Variants in CDKN2A observed in about 807,000 individuals in gnomAD.
The protein encoded by CDKN2A is cyclin dependent kinase inhibitor 2A, also known as cyclin-dependent kinase inhibitor 2A.
In CDKN2A, 3 loss-of-function variants were observed where a neutral mutation model predicts 11.1. The observed-to-expected ratio is 0.27, with a 90% confidence interval of 0.12 to 0.70. CDKN2A has a LOEUF of 0.70. CDKN2A is among the 30% of genes least tolerant of loss of function. CDKN2A has a pLI of 0.77. For missense variants in CDKN2A, 265 were observed against 233.6 expected, an observed-to-expected ratio of 1.13 and a Z score of -0.88; for synonymous variants, 122 against 108.1, an observed-to-expected ratio of 1.13 and a Z score of -0.80.
chr9:21,986,043 A>G (rs771945332), intron 2 of CDKN2A, among the ~76,000 whole-genome samples: 30 of 152,004 alleles, frequency 2.0e-4, no homozygotes, highest in Non-Finnish European at 4.0e-4. Flanking sequence ...CACACATACT[A>G]TTTTATCTAC....
chr9:21,969,934 T>G (rs1819622710), intron 2 of CDKN2A: 1 of 396,472 alleles, frequency 2.5e-6, no homozygotes, highest in South Asian at 1.4e-4. Context: ...CACCCTGTCC[T>G]CCCCAGCTCC....
intron 2 of CDKN2A, chr9:21,989,250 A>G (rs757613802): frequency 6.6e-6 from 1 of 152,170 alleles, no homozygotes; most frequent in Non-Finnish European, 1.5e-5. Flanking sequence ...CTTTAAAAGG[A>G]CCTTTTATCA....
In CDKN2A at chr9:21,967,923, A is replaced by G. The variant is rs1419473755; in HGVS notation, c.*306T>C. ...TGCGAGGCTCGCAAGAAATGCCCACATGAATGTGCGCTTAGGGCGTGAGTG... is the reference window on the plus strand; with the variant it reads ...TGCGAGGCTCGCAAGAAATGCCCACGTGAATGTGCGCTTAGGGCGTGAGTG... On this transcript the variant is annotated 3_prime_UTR_variant, in exon 3 of 3. Coordinates refer to ENST00000304494, the MANE Select transcript of CDKN2A (RefSeq NM_000077.5). The G allele has an allele frequency of 7.4e-6, 3 of 404,796 alleles. No homozygotes were observed. The highest frequency in any genetic ancestry group is 4.0e-5 in the Admixed American group (1 of 25,056). 25.1% of individuals were successfully genotyped at this position (404,796 alleles called of 1,614,324 possible).
intron 2 of CDKN2A, among the ~76,000 whole-genome samples, chr9:21,990,307 TCA>T (rs972573292): frequency 2.0e-5 from 3 of 152,130 alleles, no homozygotes; most frequent in African/African-American, 7.2e-5. Context: ...AGCGTGCATT[TCA>T]CAGTCTGACG....
chr9:21,983,354 C>A (rs1820238308), intron 2 of CDKN2A, among the ~76,000 whole-genome samples: 1 of 152,000 alleles, frequency 6.6e-6, no homozygotes, highest in South Asian at 2.1e-4. Context: ...TTTGCTTAAT[C>A]TTTACATTGT....
In CDKN2A at chr9:21,974,434, C is replaced by G. The variant is rs774140115; in HGVS notation, c.150+244G>C. 34 of 1,609,834 alleles carry G rather than the reference C, an allele frequency of 2.1e-5. No individual in the cohort carries two copies. The highest frequency in any genetic ancestry group is 2.7e-5 in the Non-Finnish European group (32 of 1,177,862). ...TCTAATACAAATATGTTCCCCCCTT[C>G]AGATCTTCTCAGCATTCGAGAGATC... On this transcript the variant is annotated intron_variant, in intron 1 of 2. Coordinates refer to ENST00000304494, the MANE Select transcript of CDKN2A (RefSeq NM_000077.5). This position sits in a 1 kb window ranked among gnomAD's most constrained non-coding sequence, Gnocchi z 5.2.
At chr9:21,992,105 A>G (rs1820443194) in intron 2 of CDKN2A, 1 of 841,812 alleles carries the variant, frequency 1.2e-6, no homozygotes, top group Non-Finnish European at 1.4e-6. Context: ...ATATAAAAAT[A>G]AAAAGTCATA....
At chr9:21,983,972 C>T (rs1203837303) in intron 2 of CDKN2A, among the ~76,000 whole-genome samples, 1 of 151,894 alleles carries the variant, frequency 6.6e-6, no homozygotes, top group Non-Finnish European at 1.5e-5. Flanking sequence ...ATAAAATTTA[C>T]CCCATAAGGT....
rs1177705662 is a variant in CDKN2A at position 21,988,773 on chromosome 9, A to C, written c.-4+5109T>G. Among the ~76,000 whole-genome samples the C allele has an allele frequency of 6.6e-6, 1 of 152,228 alleles. No individual in the cohort carries two copies. The highest frequency in any genetic ancestry group is 1.5e-5 in the Non-Finnish European group (1 of 68,040). ...CTAAATAAAAGTTGAAAAAAAATCT[A>C]CGAGGCACTATATTTTTAAAAATAC... On this transcript the variant is annotated intron_variant, in intron 2 of 3. Transcript: ENST00000494262. This position sits in a 1 kb window ranked among gnomAD's most constrained non-coding sequence, Gnocchi z 4.1.
chr9:21,970,810 G>A, intron 2 of CDKN2A, 92 bp downstream of exon 2: 1 of 1,472,244 alleles, frequency 6.8e-7, no homozygotes, highest in Admixed American at 1.8e-5. Flanking sequence ...ACCGGAGACT[G>A]GTCTCCCGGG....
At chr9:21,989,829 T>C (rs767178621) in intron 2 of CDKN2A, 2 of 152,286 alleles carry the variant, frequency 1.3e-5, no homozygotes, top group Admixed American at 6.5e-5. Flanking sequence ...TCCGCAGTTA[T>C]GATAACGGAT....
intron 1 of CDKN2A, among the ~76,000 whole-genome samples, chr9:21,972,877 G>A (rs1284165904): frequency 1.3e-5 from 2 of 152,158 alleles, no homozygotes; most frequent in Non-Finnish European, 1.5e-5. Flanking sequence ...GAGGATGGTG[G>A]TGTTAAAGAG....
At chr9:21,975,955 T>A (rs1290078436), upstream of CDKN2A, among the ~76,000 whole-genome samples, 1 of 152,186 alleles carries the variant, frequency 6.6e-6, no homozygotes, top group Non-Finnish European at 1.5e-5. Flanking sequence ...GGGGTTGTTG[T>A]GAGTTTAAAT....
Position 21,968,649 on chromosome 9 carries a change from G to T in CDKN2A, c.458-407C>A, listed in dbSNP as rs1563886483. 2.0e-6 allele frequency: 3 copies of T among 1,533,158 alleles called. No homozygotes were observed. The East Asian group carries it at 7.3e-5, about 37-fold the overall frequency. 95.0% of individuals were successfully genotyped at this position (1,533,158 alleles called of 1,614,324 possible). ...CCAGGCATCTTTTGCACCTGGTGCG[G>T]AGTGAGCCAGCCAGCTTGCGATAAC... is the stretch of plus-strand genomic sequence containing the variant. On this transcript the variant is annotated intron_variant, in intron 2 of 2. Coordinates refer to ENST00000304494, the MANE Select transcript of CDKN2A (RefSeq NM_000077.5). The surrounding 1 kb of genome is among the most constrained non-coding windows in gnomAD (Gnocchi z 4.7).
rs2131108656 is a variant in CDKN2A at position 21,974,413 on chromosome 9, A to G, written c.150+265T>C. The G allele has an allele frequency of 6.2e-7, 1 of 1,602,340 alleles. No homozygotes were observed. Among genetic ancestry groups the G allele is most frequent in the South Asian group, 1.1e-5 (1 of 90,068 alleles). On this transcript the variant is annotated intron_variant, in intron 1 of 2. Transcript: ENST00000304494. This position sits in a 1 kb window ranked among gnomAD's most constrained non-coding sequence, Gnocchi z 5.2. Reference sequence around the variant, plus strand: ...CTGATAAAGAGCATACTTCCATCTAATACAAATATGTTCCCCCCTTCAGAT... The same window carrying G: ...CTGATAAAGAGCATACTTCCATCTAGTACAAATATGTTCCCCCCTTCAGAT...
In CDKN2A at chr9:21,991,576, C is replaced by T; in HGVS notation, c.-4+2306G>A. On this transcript the variant is annotated intron_variant, in intron 2 of 3. Transcript: ENST00000494262. The surrounding 1 kb of genome is among the most constrained non-coding windows in gnomAD (Gnocchi z 5.2). ...TGCTATAAAAAAGTATTTTTGATACCATTTGTATCACTTTAGTAATAGGAG... is the reference window on the plus strand; with the variant it reads ...TGCTATAAAAAAGTATTTTTGATACTATTTGTATCACTTTAGTAATAGGAG... 1.2e-6 allele frequency: 1 copy of T among 822,846 alleles called. No homozygotes were observed. The highest frequency in any genetic ancestry group is 1.5e-6 in the Non-Finnish European group (1 of 681,842). The allele number at this position is 822,846 out of a possible 1,614,324, so 51.0% of individuals were successfully genotyped here.
intron 2 of CDKN2A, among the ~76,000 whole-genome samples, chr9:21,986,505 G>C (rs1302374861): frequency 1.3e-5 from 2 of 151,934 alleles, no homozygotes; most frequent in African/African-American, 4.8e-5. Context: ...CATATTTATA[G>C]CACTCCATGG....
At chr9:21,972,798 A>G (rs1291473976) in intron 1 of CDKN2A, among the ~76,000 whole-genome samples, 2 of 152,198 alleles carry the variant, frequency 1.3e-5, no homozygotes. Context: ...AGCAACCTTA[A>G]AATTTGAGTG....
upstream of CDKN2A, among the ~76,000 whole-genome samples, chr9:21,979,318 T>G (rs572882917): frequency 1.3e-5 from 2 of 152,318 alleles, no homozygotes; most frequent in East Asian, 3.9e-4. Context: ...TTGACTACTC[T>G]TTCATAGCTT....
Sources: allele counts gnomAD v4.1 joint callset (sites outside exome capture counted in the v4.1 genomes callset), GRCh38; gene constraint gnomAD v4.1.1; non-coding constraint Gnocchi (gnomAD v3.1); transcripts MANE v1.5; gene names NCBI Gene and HGNC (gene_info 2026-07-23, HGNC 2026-07-21).